The following CDH18 variants were observed in gnomAD, a reference collection of about 807,000 sequenced individuals.
CDH18 encodes cadherin 18.
In CDH18, 31 loss-of-function variants were observed where a neutral mutation model predicts 67.9. The ratio of observed to expected loss-of-function variants is 0.46; its 90% CI spans 0.34 to 0.62. The LOEUF is 0.62. CDH18 is among the 20% of genes least tolerant of loss of function. CDH18 has a pLI of 0.01. For synonymous variants in CDH18, 362 were observed against 347.2 expected, an observed-to-expected ratio of 1.04 and a Z score of -0.48; for missense variants, 890 against 975.5, an observed-to-expected ratio of 0.91 and a Z score of 1.17.
chr5:20,344,128 T>A (rs1371912020), intron 1 of CDH18, among the ~76,000 whole-genome samples: 1 of 152,178 alleles, frequency 6.6e-6, no homozygotes, highest in Non-Finnish European at 1.5e-5. Context: ...AAACTTCCTT[T>A]GCCTGCCTCC....
intron 2 of CDH18, among the ~76,000 whole-genome samples, chr5:20,083,584 T>C (rs543069215): frequency 1.7e-3 from 258 of 152,284 alleles, no homozygotes; most frequent in Non-Finnish European, 2.8e-3. Flanking sequence ...TCAGGCCCCC[T>C]ATTCACTGAC....
chr5:20,018,318 A>G (rs1477469829), intron 2 of CDH18, among the ~76,000 whole-genome samples: 2 of 152,170 alleles, frequency 1.3e-5, no homozygotes, highest in Non-Finnish European at 2.9e-5. Context: ...CTAGAGATAC[A>G]AATATAATTA....
At chr5:20,526,798 A>G (rs1756095655) in intron 1 of CDH18, among the ~76,000 whole-genome samples, 2 of 152,248 alleles carry the variant, frequency 1.3e-5, no homozygotes. Flanking sequence ...CACAAAGACG[A>G]GGAAAAAACA....
At chr5:19,550,572 G>A (rs907830557) in intron 8 of CDH18, among the ~76,000 whole-genome samples, 1 of 152,120 alleles carries the variant, frequency 6.6e-6, no homozygotes, top group Non-Finnish European at 1.5e-5. Flanking sequence ...CTTCATCCAT[G>A]TCCCTACAAA....
chr5:20,119,665 T>A (rs190268597), intron 2 of CDH18, among the ~76,000 whole-genome samples: 66 of 152,300 alleles, frequency 4.3e-4, no homozygotes, highest in Middle Eastern at 3.4e-3. Flanking sequence ...GCACATTAAA[T>A]CCACATTAAT....
chr5:19,582,460 CATGAAA>C lies in CDH18; in HGVS notation c.999+8591_999+8596del, dbSNP rs560684186. Among the ~76,000 whole-genome samples, 302 of 151,986 alleles carry C rather than the reference CATGAAA, an allele frequency of 2.0e-3. 1 individual carries two copies. In the Middle Eastern group the frequency reaches 0.024, roughly 12 times the overall value. ...CATCATTATGCCTATAGATGAACAG[CATGAAA>C]AATAATTTACCCAATAGCGTTTCCG... On this transcript the variant is annotated intron_variant, in intron 7 of 12. Coordinates refer to ENST00000382275, the MANE Select transcript of CDH18 (RefSeq NM_004934.5).
At chr5:19,939,861 T>C (rs1272002140) in intron 2 of CDH18, among the ~76,000 whole-genome samples, 2 of 151,922 alleles carry the variant, frequency 1.3e-5, no homozygotes, top group Non-Finnish European at 2.9e-5. Context: ...TAAAGGAGAC[T>C]TTACTTAATT....
intron 1 of CDH18, among the ~76,000 whole-genome samples, chr5:20,509,728 C>A (rs1324696023): frequency 1.3e-5 from 2 of 152,140 alleles, no homozygotes; most frequent in Non-Finnish European, 2.9e-5. Flanking sequence ...CGATTTTCTT[C>A]TTTTTAAGGT....
chr5:20,186,832 T>C (rs1029576827), intron 2 of CDH18, among the ~76,000 whole-genome samples: 2 of 151,874 alleles, frequency 1.3e-5, no homozygotes, highest in African/African-American at 4.8e-5. Flanking sequence ...CTTAAACAGA[T>C]ATTTGTAAAT....
chr5:20,232,550 C>T (rs1486594215), intron 2 of CDH18, among the ~76,000 whole-genome samples: 1 of 152,032 alleles, frequency 6.6e-6, no homozygotes, highest in Non-Finnish European at 1.5e-5. Flanking sequence ...TTTCTTCCCC[C>T]TTTGCTGTTT....
chr5:19,654,472 G>A (rs537144396), intron 5 of CDH18, among the ~76,000 whole-genome samples: 1 of 152,132 alleles, frequency 6.6e-6, no homozygotes, highest in Non-Finnish European at 1.5e-5. Context: ...TGGCTCATCT[G>A]TTTAGCCGCT....
In CDH18 at chr5:20,378,147, G is replaced by A. The variant is rs148513235; in HGVS notation, c.-579-122642C>T. Among the ~76,000 whole-genome samples the A allele has an allele frequency of 1.6e-3, 239 of 152,150 alleles. 1 individual carries two copies. The highest frequency in any genetic ancestry group is 2.9e-3 in the Non-Finnish European group (199 of 67,990). ...AAAGAGAATGCTCTTCTCAGTTAAC[G>A]TCATTAACAGATGACCCTCGTTTCT... On this transcript the variant is annotated intron_variant, in intron 1 of 14. Transcript: ENST00000507958.
At chr5:20,027,175 A>G (rs1738984081) in intron 2 of CDH18, among the ~76,000 whole-genome samples, 1 of 152,138 alleles carries the variant, frequency 6.6e-6, no homozygotes, top group Admixed American at 6.6e-5. Context: ...TAAACACTTT[A>G]TGTATGATTA....
chr5:20,356,845 A>T (rs1361771565), intron 1 of CDH18, among the ~76,000 whole-genome samples: 2 of 148,466 alleles, frequency 1.3e-5, no homozygotes, highest in Non-Finnish European at 3.0e-5. Flanking sequence ...ATACACACAT[A>T]TATATACACA....
At chr5:19,846,932 C>A (rs984656542) in intron 2 of CDH18, among the ~76,000 whole-genome samples, 2 of 40,008 alleles carry the variant, frequency 5.0e-5, no homozygotes. Context: ...TTTTCTTTTA[C>A]CTTTAGCACT....
At chr5:20,452,854 A>G (rs1750558933) in intron 1 of CDH18, among the ~76,000 whole-genome samples, 1 of 152,194 alleles carries the variant, frequency 6.6e-6, no homozygotes, top group Non-Finnish European at 1.5e-5. Context: ...TAGACAATGT[A>G]TATGTAAAAA....
intron 1 of CDH18, among the ~76,000 whole-genome samples, chr5:20,344,808 T>C (rs1740570237): frequency 6.6e-6 from 1 of 152,062 alleles, no homozygotes; most frequent in South Asian, 2.1e-4. Context: ...AAAATATCAA[T>C]GTGAAGAAAT....
chr5:19,560,661 T>C (rs1739281693), intron 8 of CDH18, among the ~76,000 whole-genome samples: 1 of 151,980 alleles, frequency 6.6e-6, no homozygotes, highest in African/African-American at 2.4e-5. Context: ...GATAAATAGA[T>C]GGAACTTAAT....
intron 2 of CDH18, among the ~76,000 whole-genome samples, chr5:20,135,472 C>T (rs1749626449): frequency 6.6e-6 from 1 of 151,824 alleles, no homozygotes; most frequent in African/African-American, 2.4e-5. Flanking sequence ...CTATTTGATT[C>T]TTCTCCTTTT....
Sources: gnomAD v4.1 joint callset for allele counts (sites outside exome capture counted in the v4.1 genomes callset) on GRCh38, gnomAD v4.1.1 for gene constraint, MANE v1.5 for transcripts, NCBI Gene and HGNC (gene_info 2026-07-23, HGNC 2026-07-21) for gene names.